TENM4: variants seen among roughly 807,000 people sequenced by gnomAD.
The protein encoded by TENM4 is teneurin-4.
TENM4 carries 82 observed loss-of-function variants against 243.3 expected under a neutral mutation model. The observed-to-expected ratio is 0.34, with a 90% confidence interval of 0.28 to 0.40. The LOEUF is 0.40. TENM4 is among the 10% of genes least tolerant of loss of function. The pLI, the probability that TENM4 is intolerant of heterozygous loss-of-function variation, is 1.00. For missense variants in TENM4, 3,138 were observed against 3,673.3 expected, an observed-to-expected ratio of 0.85 and a Z score of 3.77; for synonymous variants, 1,412 against 1,456.3, an observed-to-expected ratio of 0.97 and a Z score of 0.69.
rs61253453 is a variant in TENM4, at chr11:78,910,706, C to T, written c.494-7183G>A. ...TACCTGAACCTAGAATGGATCAAAA[C>T]AATGAAGTCCACAATGTAACCACCA... On this transcript the variant is annotated intron_variant, in intron 6 of 33. Coordinates refer to ENST00000278550, the MANE Select transcript of TENM4 (RefSeq NM_001098816.3). Among the ~76,000 whole-genome samples the T allele has an allele frequency of 4.1e-3, 632 of 152,352 alleles. 6 individuals are homozygous for T. Among genetic ancestry groups the T allele is most frequent in the African/African-American group, 0.014 (601 of 41,578 alleles).
At chr11:79,240,085 G>A (rs973753025) in intron 2 of TENM4, among the ~76,000 whole-genome samples, 11 of 152,154 alleles carry the variant, frequency 7.2e-5, no homozygotes, top group African/African-American at 2.4e-4. Context: ...TCCTGGCTTT[G>A]CTATTTAATA....
chr11:78,903,926 AGGCT>A, intron 6 of TENM4: 1 of 476,726 alleles, frequency 2.1e-6, no homozygotes, highest in South Asian at 1.6e-5. Context: ...GCCCTGCCCC[AGGCT>A]GACTGAATCA....
intron 4 of TENM4, among the ~76,000 whole-genome samples, chr11:79,138,528 T>C (rs867882364): frequency 9.4e-6 from 1 of 106,792 alleles, no homozygotes; most frequent in Non-Finnish European, 1.7e-5. Context: ...TATTTATACA[T>C]AATATATTAA....
chr11:78,825,646 G>A (rs1292547125), intron 12 of TENM4, among the ~76,000 whole-genome samples: 1 of 152,216 alleles, frequency 6.6e-6, no homozygotes, highest in African/African-American at 2.4e-5. Flanking sequence ...TTCCAAAGAG[G>A]AGGGCTTGGT....
chr11:78,827,819 G>A (rs989166483), intron 12 of TENM4, among the ~76,000 whole-genome samples: 1 of 152,156 alleles, frequency 6.6e-6, no homozygotes, highest in Non-Finnish European at 1.5e-5. Context: ...CCTCTTTCGT[G>A]AAGGTCCCCC....
Position 78,699,775 on chromosome 11 carries a change from G to A in TENM4, c.5087+1751C>T, listed in dbSNP as rs117022289. Among the ~76,000 whole-genome samples the A allele has an allele frequency of 5.4e-3, 826 of 152,358 alleles. 29 individuals are homozygous for A. The highest frequency in any genetic ancestry group is 6.0e-3 in the Non-Finnish European group (410 of 68,038). ...AACCGTTTTAGATTTCAGGGGTGGT[G>A]GAGCGTAATGGATGCAGTGATGTGT... On this transcript the variant is annotated intron_variant, in intron 28 of 33. Transcript: ENST00000278550.
rs146960136 is a variant in TENM4, at chr11:78,700,030, G to A, written c.5087+1496C>T. On this transcript the variant is annotated intron_variant, in intron 28 of 33. Coordinates refer to ENST00000278550, the MANE Select transcript of TENM4 (RefSeq NM_001098816.3). ...TTGTAATTAACAAGGTCCTTGTTTG[G>A]AGAAAGGAATTTAGCCAGTGAACTT... Among the ~76,000 whole-genome samples the A allele has an allele frequency of 7.2e-4, 110 of 152,276 alleles. 1 individual carries two copies. The East Asian group carries it at 0.018, about 25-fold the overall frequency.
At chr11:79,410,778 T>G (rs1485409897) in intron 1 of TENM4, among the ~76,000 whole-genome samples, 2 of 152,198 alleles carry the variant, frequency 1.3e-5, no homozygotes, top group African/African-American at 4.8e-5. Context: ...AAGTGCCTGG[T>G]ACGTGGTAGG....
intron 3 of TENM4, among the ~76,000 whole-genome samples, chr11:79,160,211 T>A (rs887506896): frequency 5.3e-5 from 8 of 152,122 alleles, no homozygotes; most frequent in African/African-American, 1.9e-4. Flanking sequence ...CATTTTAACA[T>A]CCTGCTTGTT....
chr11:79,366,379 G>A lies in TENM4; in HGVS notation c.-320-68836C>T, dbSNP rs527404870. Among the ~76,000 whole-genome samples, 13 of 152,354 alleles carry A rather than the reference G, an allele frequency of 8.5e-5. No individual in the cohort carries two copies. The South Asian group carries it at 1.9e-3, about 22-fold the overall frequency. ...TTGCCAAGCTGCAAGGGAAATGTGC[G>A]TCATAGGTGTGTGTTCCTTATGCAA... On this transcript the variant is annotated intron_variant, in intron 1 of 33. Transcript: ENST00000278550.
chr11:79,385,163 C>T (rs982434110), intron 1 of TENM4, among the ~76,000 whole-genome samples: 12 of 152,162 alleles, frequency 7.9e-5, no homozygotes, highest in Non-Finnish European at 1.5e-4. Context: ...CTTGGATCCA[C>T]GTTATAAACA....
intron 1 of TENM4, among the ~76,000 whole-genome samples, chr11:79,382,193 G>A (rs1051475837): frequency 6.6e-6 from 1 of 152,152 alleles, no homozygotes; most frequent in Non-Finnish European, 1.5e-5. Flanking sequence ...TAACTCGTCT[G>A]GCCGGGCAGC....
intron 1 of TENM4, among the ~76,000 whole-genome samples, chr11:79,384,364 G>A (rs1858065569): frequency 6.6e-6 from 1 of 152,176 alleles, no homozygotes; most frequent in Non-Finnish European, 1.5e-5. Context: ...CCTCGCACTT[G>A]ATCTGTGGGC....
chr11:79,313,853 G>T (rs1856760582), intron 1 of TENM4, among the ~76,000 whole-genome samples: 1 of 152,144 alleles, frequency 6.6e-6, no homozygotes, highest in Admixed American at 6.5e-5. Flanking sequence ...CTGGGGAGGG[G>T]AGTAAAGGCA....
chr11:78,677,431 T>C (rs1258129274), intron 29 of TENM4, among the ~76,000 whole-genome samples: 2 of 152,010 alleles, frequency 1.3e-5, no homozygotes, highest in East Asian at 1.9e-4. Context: ...ATTTTTGAAA[T>C]ATTTTGTAGA....
At chr11:79,373,667 C>T (rs1410610034) in intron 1 of TENM4, among the ~76,000 whole-genome samples, 1 of 152,088 alleles carries the variant, frequency 6.6e-6, no homozygotes, top group Non-Finnish European at 1.5e-5. Context: ...TCCAGCAATA[C>T]AAATTATCAT....
intron 1 of TENM4, among the ~76,000 whole-genome samples, chr11:79,434,975 T>C (rs1859242091): frequency 6.6e-6 from 1 of 152,182 alleles, no homozygotes; most frequent in Admixed American, 6.5e-5. Flanking sequence ...TGTCATACTA[T>C]AACATTGGGG....
chr11:78,729,577 G>A lies in TENM4; in HGVS notation c.3205C>T (p.Pro1069Ser). Residue 1069 changes from proline (P) to serine (S), a missense_variant, in exon 22 of 34, where the codon CCT becomes TCT. Pro to Ser is a moderately conservative substitution (Grantham distance 74). Transcript: ENST00000278550. ...ATCCTCAGGACAGATTTGTAGCCAG[G>A]GGTCCGGCTGCTCAGGTAGCTCAGC... Reference protein sequence around the residue: ...MRLSYLSSRTPGYKSVLRISL... With the variant: ...MRLSYLSSRTSGYKSVLRISL... 1.2e-6 allele frequency: 2 copies of A among 1,613,908 alleles called. No homozygotes were observed. Among genetic ancestry groups the A allele is most frequent in the East Asian group, 4.5e-5 (2 of 44,864 alleles).
At chr11:78,906,945 C>T (rs942672116) in intron 6 of TENM4, among the ~76,000 whole-genome samples, 1 of 152,128 alleles carries the variant, frequency 6.6e-6, no homozygotes, top group African/African-American at 2.4e-5. Flanking sequence ...TCATGTGGGG[C>T]AATTTGTGTG....
Sources: allele counts gnomAD v4.1 joint callset (sites outside exome capture counted in the v4.1 genomes callset), GRCh38; gene constraint gnomAD v4.1.1; transcripts MANE v1.5; gene names NCBI Gene and HGNC (gene_info 2026-07-23, HGNC 2026-07-21).